AKAP3: variants seen among roughly 807,000 people sequenced by gnomAD.
AKAP3 encodes A-kinase anchoring protein 3.
A neutral mutation model predicts 57.2 loss-of-function variants in AKAP3; 27 were observed. The ratio of observed to expected loss-of-function variants is 0.47; its 90% confidence interval spans 0.35 to 0.65. AKAP3 has a LOEUF of 0.65. AKAP3 is among the 30% of genes least tolerant of loss of function. The probability of loss-of-function intolerance (pLI) is 0.01; values close to 1 mark genes in which losing one functional copy is unlikely to be tolerated. For missense variants in AKAP3, 959 were observed against 1,040.0 expected (o/e 0.92, Z 1.07); for synonymous variants, 334 against 392.3 (o/e 0.85, Z 1.76).
chr12:4,628,319 C>T lies in AKAP3; in HGVS notation c.583G>A (p.Ala195Thr). Residue 195 changes from alanine to threonine, a missense_variant, in exon 5 of 6, where the codon GCT (alanine) becomes ACT (threonine). By Grantham distance (58) the Ala-to-Thr change is moderately conservative. Transcript: ENST00000228850. The part of the protein sequence containing the change: ...ACSRNAAPDK[A>T]PGSGDRVSGS... ...GAGACTCTGTCTCCAGAGCCAGGAG[C>T]CTTGTCTGGGGCAGCATTCCTGGAA... 1 of 1,614,170 alleles carries T rather than the reference C, an allele frequency of 6.2e-7. No individual in the cohort carries two copies. Among genetic ancestry groups the T allele is most frequent in the Non-Finnish European group, 8.5e-7 (1 of 1,180,008 alleles).
At chr12:4,630,173 C>T (rs1333554212) in intron 4 of AKAP3, among the ~76,000 whole-genome samples, 2 of 152,120 alleles carry the variant, frequency 1.3e-5, no homozygotes, top group African/African-American at 4.8e-5. Flanking sequence ...ATTTTTATTA[C>T]CAAGTGTCAT....
intron 5 of AKAP3, among the ~76,000 whole-genome samples, chr12:4,617,504 G>A (rs1389970135): frequency 8.5e-5 from 13 of 152,220 alleles, no homozygotes; most frequent in Non-Finnish European, 1.0e-4. Flanking sequence ...TGTAATCCCA[G>A]TACTTTGGGA....
In AKAP3 at chr12:4,615,742, C is replaced by G. The variant is rs763683793; in HGVS notation, c.2559G>C (p.Leu853=). The part of the protein sequence containing the change: ...LQLLDWLMVN[L] ...GGGAAAGCAGTGGGGTTGCCGATTA[C>G]AGGTTCACCATCAGCCAGTCCAGCA... The change falls in exon 6 of 6, where the codon CTG becomes CTC. Residue 853 remains leucine (L), a synonymous_variant. Transcript: ENST00000228850. The G allele has an allele frequency of 3.1e-6, 5 of 1,613,148 alleles. No individual in the cohort carries two copies. The highest frequency in any genetic ancestry group is 4.5e-5 in the East Asian group (2 of 44,862).
rs756897893 is a variant in AKAP3, at chr12:4,628,025, C to A, written c.877G>T (p.Val293Leu). Residue 293 changes from valine (V) to leucine (L), a missense_variant, in exon 5 of 6, where the codon GTA becomes TTA. Physicochemically the swap from Val to Leu is conservative, Grantham distance 32. Transcript: ENST00000228850. ...EGIMTYANSV[V>L]SDMMVSIMKT... ...ATGATGGAGACCATCATATCAGATA[C>A]CACACTGTTAGCATAGGTCATGATC... 2 of 1,614,066 alleles carry A rather than the reference C, an allele frequency of 1.2e-6. No individual in the cohort carries two copies. The highest frequency in any genetic ancestry group is 1.7e-6 in the Non-Finnish European group (2 of 1,179,982).
At chr12:4,634,185 T>C (rs1945536538) in intron 4 of AKAP3, among the ~76,000 whole-genome samples, 1 of 152,060 alleles carries the variant, frequency 6.6e-6, no homozygotes, top group Non-Finnish European at 1.5e-5. Context: ...ATATACCGAA[T>C]TGATCAAAAT....
chr12:4,632,432 T>C (rs942591562), intron 4 of AKAP3, among the ~76,000 whole-genome samples: 1 of 152,218 alleles, frequency 6.6e-6, no homozygotes. Context: ...TATTCTTTCA[T>C]AATCATAACT....
rs1405447921 is a variant in AKAP3 at position 4,626,646 on chromosome 12, A to AC, written c.2255dup (p.Cys752TrpfsTer33). The AC allele has an allele frequency of 6.2e-7, 1 of 1,614,206 alleles. No homozygotes were observed. Among genetic ancestry groups the AC allele is most frequent in the Non-Finnish European group, 8.5e-7 (1 of 1,180,028 alleles). On this transcript the variant is annotated frameshift_variant, in exon 5 of 6. Transcript: ENST00000228850. LOFTEE classifies it high-confidence loss of function. Reference sequence around the variant, plus strand: ...TGCTGACAATCACCGTGGGTGCTGCACACCCTTCAGGGGGCTGTCCTGATG... The same window carrying AC: ...TGCTGACAATCACCGTGGGTGCTGCACCACCCTTCAGGGGGCTGTCCTGATG...
chr12:4,646,823 C>T (rs571521850), intron 1 of AKAP3, among the ~76,000 whole-genome samples: 2 of 152,132 alleles, frequency 1.3e-5, no homozygotes, highest in South Asian at 4.2e-4. Flanking sequence ...TCAACTCTCG[C>T]CCAGGCTGGA....
At chr12:4,624,443 G>A (rs1305951652) in intron 5 of AKAP3, among the ~76,000 whole-genome samples, 3 of 151,398 alleles carry the variant, frequency 2.0e-5, no homozygotes, top group Non-Finnish European at 4.4e-5. Context: ...GCACACAAAT[G>A]AGAAAACAAC....
chr12:4,639,353 C>A (rs1490668061), intron 3 of AKAP3, among the ~76,000 whole-genome samples: 1 of 152,140 alleles, frequency 6.6e-6, no homozygotes, highest in Admixed American at 6.5e-5. Context: ...CCCTCTTCAT[C>A]CCTTAGGCTC....
chr12:4,642,027 A>C (rs1371838382), intron 2 of AKAP3, 23 bp from the exon 3 acceptor site: 1 of 152,224 alleles, frequency 6.6e-6, no homozygotes, highest in Admixed American at 6.5e-5. Flanking sequence ...GACACAGATA[A>C]AAATGACTAA....
intron 4 of AKAP3, among the ~76,000 whole-genome samples, chr12:4,633,586 C>T (rs914513184): frequency 2.0e-5 from 3 of 151,892 alleles, no homozygotes; most frequent in Non-Finnish European, 4.4e-5. Flanking sequence ...CAACCTTCCT[C>T]TTCTTACACA....
rs59050368 is a variant in AKAP3 at position 4,633,970 on chromosome 12, C to CTT, written c.96+4129_96+4130dup. Among the ~76,000 whole-genome samples, 1,048 of 138,036 alleles carry CTT rather than the reference C, an allele frequency of 7.6e-3. 7 individuals carry two copies. Among genetic ancestry groups the CTT allele is most frequent in the African/African-American group, 0.013 (478 of 37,448 alleles). The allele number at this position is 138,036 out of a possible 152,430, so 90.6% of individuals were successfully genotyped here. On this transcript the variant is annotated intron_variant, in intron 4 of 5. Coordinates refer to ENST00000228850, the MANE Select transcript of AKAP3 (RefSeq NM_001278309.2). ...AGATTTCAAGTGACATATCTATATT[C>CTT]TTTTTTTTTTTTTTTTGCTTTTTAT...
Position 4,642,559 on chromosome 12 carries a change from C to G in AKAP3, c.-106-555G>C, listed in dbSNP as rs527611497. On this transcript the variant is annotated intron_variant, in intron 2 of 5. Coordinates refer to ENST00000228850, the MANE Select transcript of AKAP3 (RefSeq NM_001278309.2). ...CTTCTTGAATATCCACCCAGCCCCC[C>G]AGTAATGGCTCTCTAAATTCTACCC... 3.3e-5 allele frequency among the ~76,000 whole-genome samples: 5 copies of G among 152,320 alleles called. 1 individual carries two copies. Among genetic ancestry groups the G allele is most frequent in the Middle Eastern group, 3.4e-3 (1 of 294 alleles).
chr12:4,636,136 G>A, intron 4 of AKAP3: 1 of 864,744 alleles, frequency 1.2e-6, no homozygotes, highest in South Asian at 1.4e-5. Flanking sequence ...TGAGCCATAG[G>A]GTCTTGCTTG....
Position 4,627,059 on chromosome 12 carries a change from G to A in AKAP3, c.1843C>T (p.Pro615Ser), listed in dbSNP as rs762598678. 1 of 1,614,030 alleles carries A rather than the reference G, an allele frequency of 6.2e-7. No homozygotes were observed. Among genetic ancestry groups the A allele is most frequent in the Non-Finnish European group, 8.5e-7 (1 of 1,179,954 alleles). ...TIFKRDQSPE[P>S]KVPEQPVKED... is the part of the protein sequence containing the mutation. ...TTAACTGGCTGTTCCGGCACCTTGGGTTCAGGGCTCTGGTCACGCTTGAAA... is the reference window on the plus strand; with the variant it reads ...TTAACTGGCTGTTCCGGCACCTTGGATTCAGGGCTCTGGTCACGCTTGAAA... The change falls in exon 5 of 6, where the codon CCC becomes TCC. Residue 615 changes from proline to serine, a missense_variant. Transcript: ENST00000228850.
intron 4 of AKAP3, chr12:4,636,108 T>C: frequency 9.3e-7 from 1 of 1,069,890 alleles, no homozygotes; most frequent in Non-Finnish European, 1.4e-6. Flanking sequence ...TGAACTGGCA[T>C]ATTTTATTTC....
intron 1 of AKAP3, among the ~76,000 whole-genome samples, chr12:4,647,085 T>G (rs560764383): frequency 2.6e-5 from 4 of 152,118 alleles, no homozygotes; most frequent in Non-Finnish European, 4.4e-5. Context: ...ACCTGGCCTC[T>G]TCGTCTTTGA....
At position 4,625,717 on chromosome 12, in the gene AKAP3, G is replaced by C. The variant is rs1223545604; in HGVS notation, c.2406+779C>G. On this transcript the variant is annotated intron_variant, in intron 5 of 5. Transcript: ENST00000228850. This position sits in a 1 kb window ranked among gnomAD's most constrained non-coding sequence, Gnocchi z 5.4. ...TGAGAGAGAGAGAGAGAGAGAGAGA[G>C]CAAGCGAGCGAGAAGGCAGAGAGGA... Among the ~76,000 whole-genome samples the C allele has an allele frequency of 6.6e-6, 1 of 151,350 alleles. No individual in the cohort carries two copies. Among genetic ancestry groups the C allele is most frequent in the Non-Finnish European group, 1.5e-5 (1 of 67,826 alleles).
Sources: gnomAD v4.1 joint callset for allele counts (sites outside exome capture counted in the v4.1 genomes callset) on GRCh38, gnomAD v4.1.1 for gene constraint, Gnocchi (gnomAD v3.1) non-coding constraint, MANE v1.5 for transcripts, NCBI Gene and HGNC (gene_info 2026-07-23, HGNC 2026-07-21) for gene names.